Variants in SNX29 observed in about 807,000 individuals in gnomAD.
SNX29 encodes the protein sorting nexin-29.
In SNX29, 78 loss-of-function variants were observed where a neutral mutation model predicts 102.1. That is an observed-to-expected ratio of 0.76 (90% CI 0.64 to 0.92). The LOEUF is 0.92. SNX29 is among the 40% of genes least tolerant of loss of function. The probability of loss-of-function intolerance (pLI) is 0.00; values close to 1 mark genes in which losing one functional copy is unlikely to be tolerated. For missense variants in SNX29, 1,280 were observed against 1,061.7 expected (o/e 1.21, Z -2.86); for synonymous variants, 580 against 414.5 (o/e 1.40, Z -4.85).
At chr16:12,498,881 A>G (rs1013113112) in intron 19 of SNX29, among the ~76,000 whole-genome samples, 1 of 152,202 alleles carries the variant, frequency 6.6e-6, no homozygotes, top group Non-Finnish European at 1.5e-5. Context: ...GAGAGATGGT[A>G]GGTTTTTCAG....
Position 12,524,827 on chromosome 16 carries a change from G to A in SNX29, c.2304G>A (p.Leu768=), listed in dbSNP as rs1193639441. ...ASPKKETLIQ[L]MPFFVDITPP... is the part of the protein sequence containing the mutation. The stretch of plus-strand genomic sequence containing the variant: ...CCAAGAAGGAGACCCTCATCCAGCT[G>A]ATGCCCTTCTTCGTGTAAGTACTGC... Residue 768 remains leucine (L), a synonymous_variant, in exon 20 of 21, where the codon CTG becomes CTA. Transcript: ENST00000566228. 6 of 1,613,478 alleles carry A rather than the reference G, an allele frequency of 3.7e-6. No individual in the cohort carries two copies. Among genetic ancestry groups the A allele is most frequent in the Non-Finnish European group, 5.1e-6 (6 of 1,179,670 alleles).
At chr16:12,279,878 C>T (rs1482818196) in intron 15 of SNX29, among the ~76,000 whole-genome samples, 2 of 152,148 alleles carry the variant, frequency 1.3e-5, no homozygotes, top group African/African-American at 4.8e-5. Context: ...AGGTTCTGTT[C>T]CTCTGGGGGA....
intron 15 of SNX29, among the ~76,000 whole-genome samples, chr16:12,286,566 C>T (rs1382021722): frequency 2.6e-5 from 4 of 151,572 alleles, no homozygotes; most frequent in South Asian, 2.1e-4. Context: ...AGGATGGTCT[C>T]GATCTCCTCA....
At chr16:12,167,436 C>A (rs371988261) in intron 13 of SNX29, among the ~76,000 whole-genome samples, 24 of 152,298 alleles carry the variant, frequency 1.6e-4, no homozygotes, top group African/African-American at 5.8e-4. Context: ...CTTCCCTGAG[C>A]TCACCTGGTT....
At chr16:12,456,326 G>A (rs934055530) in intron 18 of SNX29, among the ~76,000 whole-genome samples, 5 of 152,206 alleles carry the variant, frequency 3.3e-5, no homozygotes, top group Admixed American at 1.3e-4. Context: ...CATTTCAAAT[G>A]ATTCATCTTG....
intron 19 of SNX29, among the ~76,000 whole-genome samples, chr16:12,511,622 C>T (rs560043887): frequency 3.9e-5 from 6 of 152,180 alleles, no homozygotes; most frequent in Admixed American, 3.3e-4. Flanking sequence ...GGCACATCGT[C>T]ATTGTAGATG....
In SNX29 at chr16:12,301,852, G is replaced by T. The variant is rs553733229; in HGVS notation, c.1782+23816G>T. Among the ~76,000 whole-genome samples the T allele has an allele frequency of 9.8e-5, 15 of 152,308 alleles. No individual in the cohort carries two copies. In the South Asian group the frequency reaches 3.1e-3, roughly 32 times the overall value. ...AAAGATTTTAATCCTTCTCAGAGTCGAAGCTCTTTTACAGGCATCATCCCG... is the reference window on the plus strand; with the variant it reads ...AAAGATTTTAATCCTTCTCAGAGTCTAAGCTCTTTTACAGGCATCATCCCG... On this transcript the variant is annotated intron_variant, in intron 15 of 20. Transcript: ENST00000566228.
chr16:12,443,281 C>A (rs1000029747), intron 18 of SNX29: 2 of 231,366 alleles, frequency 8.6e-6, no homozygotes, highest in African/African-American at 4.6e-5. Flanking sequence ...CCACGCTGTT[C>A]CTCCCTGACT....
Position 12,562,898 on chromosome 16 carries a change from G to C in SNX29, c.2319-5608G>C, listed in dbSNP as rs142834400. Among the ~76,000 whole-genome samples the C allele has an allele frequency of 6.4e-4, 98 of 152,226 alleles. 1 individual carries two copies. The highest frequency in any genetic ancestry group is 2.2e-3 in the African/African-American group (90 of 41,506). On this transcript the variant is annotated intron_variant, in intron 20 of 20. Transcript: ENST00000566228. ...TCATTTCTAGTTTTGGGAATTTGACGATGTGCTTGAGATTCGTCCATGTTG... is the reference window on the plus strand; with the variant it reads ...TCATTTCTAGTTTTGGGAATTTGACCATGTGCTTGAGATTCGTCCATGTTG...
chr16:12,161,367 T>C (rs1482757989), intron 13 of SNX29, among the ~76,000 whole-genome samples: 1 of 152,214 alleles, frequency 6.6e-6, no homozygotes, highest in East Asian at 1.9e-4. Context: ...CTTTGGCCCA[T>C]GTGGTCACTG....
chr16:12,437,250 C>G (rs955994531), intron 18 of SNX29, among the ~76,000 whole-genome samples: 9 of 152,226 alleles, frequency 5.9e-5, no homozygotes, highest in Admixed American at 6.5e-5. Flanking sequence ...CTTTGCTTTT[C>G]TTCCTTTCTT....
At chr16:12,477,322 G>A (rs1344901476) in intron 18 of SNX29, among the ~76,000 whole-genome samples, 2 of 152,166 alleles carry the variant, frequency 1.3e-5, no homozygotes, top group African/African-American at 4.8e-5. Flanking sequence ...GGAGCGAGGT[G>A]CTCCTCTCAG....
intron 20 of SNX29, among the ~76,000 whole-genome samples, chr16:12,531,283 G>A (rs2076925577): frequency 6.6e-6 from 1 of 152,210 alleles, no homozygotes; most frequent in African/African-American, 2.4e-5. Context: ...GACCTGGGGT[G>A]GAAGTCTTGG....
intron 5 of SNX29, among the ~76,000 whole-genome samples, chr16:12,045,643 T>TTATTATTATTATTATTAG: frequency 6.7e-6 from 1 of 148,346 alleles, no homozygotes; most frequent in Non-Finnish European, 1.5e-5. Context: ...ATTATTATTA[T>TTATTATTATTATTATTAG]TATTTTGAGG....
Position 12,571,739 on chromosome 16 carries a change from T to C in SNX29, c.*3110T>C, listed in dbSNP as rs889999134. 9.7e-7 allele frequency: 1 copy of C among 1,034,420 alleles called. No homozygotes were observed. Among genetic ancestry groups the C allele is most frequent in the Non-Finnish European group, 1.2e-6 (1 of 852,318 alleles). The allele number at this position is 1,034,420 out of a possible 1,614,324, so 64.1% of individuals were successfully genotyped here. A position where few individuals can be genotyped will look rare whatever the true frequency, so the allele number is the denominator to read the frequency against. ...GGGAGCTTAAAGGCTGCTAGAAACC[T>C]AGCCCAACCATCCACTCCTGATCTG... On this transcript the variant is annotated 3_prime_UTR_variant, in exon 21 of 21. Coordinates refer to ENST00000566228, the MANE Select transcript of SNX29 (RefSeq NM_032167.5).
rs350263 is a variant in SNX29 at position 12,084,508 on chromosome 16, T to A, written c.1402+5593T>A. ...GATGCCTTGCATTTCTGCAGGTAGGTTCCCAGTTCTTGTTTCGGGCACACG... is the reference window on the plus strand; with the variant it reads ...GATGCCTTGCATTTCTGCAGGTAGGATCCCAGTTCTTGTTTCGGGCACACG... On this transcript the variant is annotated intron_variant, in intron 11 of 20. Transcript: ENST00000566228. Among the ~76,000 whole-genome samples, 636 of 152,320 alleles carry A rather than the reference T, an allele frequency of 4.2e-3. 2 individuals carry two copies. Among genetic ancestry groups the A allele is most frequent in the African/African-American group, 0.015 (605 of 41,566 alleles).
At position 12,220,671 on chromosome 16, in the gene SNX29, T is replaced by C. The variant is rs373498383; in HGVS notation, c.1678+20988T>C. ...TGGTTACTTTTAGGCACCTAAAATA[T>C]TTTTCTTTTCTTTTCCTTTTAATTT... On this transcript the variant is annotated intron_variant, in intron 14 of 20. Coordinates refer to ENST00000566228, the MANE Select transcript of SNX29 (RefSeq NM_032167.5). Among the ~76,000 whole-genome samples, 248 of 152,352 alleles carry C rather than the reference T, an allele frequency of 1.6e-3. 6 individuals are homozygous for C. The South Asian group carries it at 0.05, about 31-fold the overall frequency.
intron 14 of SNX29, among the ~76,000 whole-genome samples, chr16:12,248,393 CTTT>C (rs111573419): frequency 2.1e-5 from 3 of 142,580 alleles, no homozygotes; most frequent in Admixed American, 7.0e-5. Flanking sequence ...CAGATCTCTG[CTTT>C]TTTTTTTTTT....
chr16:12,323,040 G>C (rs2080996897), intron 15 of SNX29, among the ~76,000 whole-genome samples: 1 of 53,676 alleles, frequency 1.9e-5, no homozygotes, highest in Admixed American at 1.6e-4. Flanking sequence ...GGGGACCACT[G>C]TCAGGATGCG....
Sources: allele counts gnomAD v4.1 joint callset (sites outside exome capture counted in the v4.1 genomes callset), GRCh38; gene constraint gnomAD v4.1.1; transcripts MANE v1.5; gene names NCBI Gene and HGNC (gene_info 2026-07-23, HGNC 2026-07-21).